Variants in VRTN observed in about 807,000 individuals in gnomAD.
The protein encoded by VRTN is vertnin.
Under a neutral mutation model 18.2 loss-of-function variants are expected in VRTN, and 5 were observed. That is an observed-to-expected ratio of 0.27 (90% CI 0.14 to 0.58). The LOEUF (loss-of-function observed/expected upper bound fraction) is 0.58, where lower values mean the gene tolerates loss of function less well. Ranked by LOEUF, VRTN falls within the 20% of genes least tolerant of loss-of-function variation. The pLI is 0.91. For missense variants in VRTN, 741 were observed against 939.4 expected, an observed-to-expected ratio of 0.79 and a Z score of 2.76; for synonymous variants, 381 against 393.7, an observed-to-expected ratio of 0.97 and a Z score of 0.38.
At chr14:74,335,720 T>A (rs1595169908) in intron 1 of VRTN, among the ~76,000 whole-genome samples, 1 of 151,358 alleles carries the variant, frequency 6.6e-6, no homozygotes, top group East Asian at 2.0e-4. Context: ...AAGCAGTTTC[T>A]CCCCTTTTAC....
At chr14:74,315,448 C>G (rs560447993) in intron 1 of VRTN, among the ~76,000 whole-genome samples, 7 of 152,270 alleles carry the variant, frequency 4.6e-5, no homozygotes, top group Admixed American at 4.6e-4. Context: ...CCTATAATCC[C>G]AGTGCTTTGG....
chr14:74,337,480 A>G (rs1304964854), intron 1 of VRTN, among the ~76,000 whole-genome samples: 1 of 152,196 alleles, frequency 6.6e-6, no homozygotes, highest in Admixed American at 6.5e-5. Flanking sequence ...AACCAAGACC[A>G]AAGATACTAG....
At chr14:74,338,909 G>C (rs1201317926) in intron 2 of VRTN, among the ~76,000 whole-genome samples, 1 of 152,094 alleles carries the variant, frequency 6.6e-6, no homozygotes, top group Non-Finnish European at 1.5e-5. Flanking sequence ...ATTTTTAGTA[G>C]AGATGAGGTT....
intron 1 of VRTN, among the ~76,000 whole-genome samples, chr14:74,330,307 A>G (rs1178256048): frequency 2.0e-5 from 3 of 152,210 alleles, no homozygotes; most frequent in African/African-American, 7.2e-5. Context: ...TTTGTTCTAC[A>G]TGAAAACTAA....
chr14:74,307,628 C>G (rs1050785591), intron 1 of VRTN, among the ~76,000 whole-genome samples: 1 of 152,030 alleles, frequency 6.6e-6, no homozygotes, highest in African/African-American at 2.4e-5. Context: ...ATGTAAATAT[C>G]TGCATAGAAA....
At chr14:74,343,516 A>C (rs147539436), upstream of VRTN, among the ~76,000 whole-genome samples, 21 of 152,314 alleles carry the variant, frequency 1.4e-4, no homozygotes, top group East Asian at 4.1e-3. Flanking sequence ...ATACTTGTAC[A>C]TGTGGAAAAT....
At chr14:74,343,385 C>T (rs1263793262) in intron 2 of VRTN, among the ~76,000 whole-genome samples, 1 of 152,166 alleles carries the variant, frequency 6.6e-6, no homozygotes, top group East Asian at 1.9e-4. Context: ...CTCAGCCTCC[C>T]AAAGGGCTGG....
chr14:74,348,328 C>T (rs1367373937), upstream of VRTN: 1 of 152,216 alleles, frequency 6.6e-6, no homozygotes, highest in Non-Finnish European at 1.5e-5. Flanking sequence ...ACACCCCCAG[C>T]TGGGGAGAGT....
intron 2 of VRTN, among the ~76,000 whole-genome samples, chr14:74,338,748 C>G (rs553545647): frequency 6.0e-5 from 9 of 149,038 alleles, no homozygotes; most frequent in Non-Finnish European, 8.9e-5. Flanking sequence ...TTTTTGAGAT[C>G]GAGTCTCACT....
intron 1 of VRTN, among the ~76,000 whole-genome samples, chr14:74,313,757 G>A (rs2140193123): frequency 6.6e-6 from 1 of 152,310 alleles, no homozygotes; most frequent in South Asian, 2.1e-4. Flanking sequence ...GAGACAGGAA[G>A]ATTGCTTGAG....
rs1419774996 is a variant in VRTN at position 74,356,902 on chromosome 14, C to T, written c.119C>T (p.Ser40Phe). The T allele has an allele frequency of 1.9e-6, 3 of 1,614,002 alleles. No homozygotes were observed. Among genetic ancestry groups the T allele is most frequent in the Admixed American group, 1.7e-5 (1 of 59,994 alleles). The change falls in exon 2 of 2, where the codon TCC becomes TTC. Residue 40 changes from serine to phenylalanine, a missense_variant. By Grantham distance (155) the Ser-to-Phe change is radical. Around this residue, in one of 3 missense-constraint regions of VRTN, gnomAD observed 186 missense variants for 288.3 expected, o/e 0.65. Coordinates refer to ENST00000256362, the MANE Select transcript of VRTN (RefSeq NM_018228.3). ...ASLEAKQVLS[S>F]FTLPTCREGG... ...TTGGAGGCCAAGCAGGTCCTGTCTT[C>T]CTTCACTCTCCCCACCTGCCGGGAG... is the stretch of plus-strand genomic sequence containing the variant.
intron 1 of VRTN, among the ~76,000 whole-genome samples, chr14:74,324,708 C>T (rs1301425597): frequency 6.6e-6 from 1 of 151,472 alleles, no homozygotes; most frequent in Non-Finnish European, 1.5e-5. Flanking sequence ...CGTAACATGC[C>T]GAGACCCCGT....
chr14:74,357,107 C>T lies in VRTN; in HGVS notation c.324C>T (p.Thr108=), dbSNP rs138593269. The T allele has an allele frequency of 1.3e-4, 211 of 1,602,398 alleles. No individual in the cohort carries two copies. The highest frequency in any genetic ancestry group is 3.3e-4 in the Middle Eastern group (2 of 6,070). ...TCAGCCTGGAGCTGCGGGCCCGCACCGTGGTAGAGATGCTGCTGCACAGAC... is the reference window on the plus strand; with the variant it reads ...TCAGCCTGGAGCTGCGGGCCCGCACTGTGGTAGAGATGCTGCTGCACAGAC... The part of the protein sequence containing the change: ...AGLSLELRAR[T]VVEMLLHRHY... The change falls in exon 2 of 2, where the codon ACC becomes ACT. Residue 108 remains threonine, a synonymous_variant. Transcript: ENST00000256362. This position sits in a 1 kb window ranked among gnomAD's most constrained non-coding sequence, Gnocchi z 7.8.
chr14:74,338,645 C>G (rs907182570), intron 2 of VRTN, among the ~76,000 whole-genome samples: 1 of 152,206 alleles, frequency 6.6e-6, no homozygotes, highest in Non-Finnish European at 1.5e-5. Flanking sequence ...GCCTCAAACT[C>G]CTGGGCTCTA....
At chr14:74,320,248 C>CT (rs1357605693) in intron 1 of VRTN, among the ~76,000 whole-genome samples, 4 of 134,262 alleles carry the variant, frequency 3.0e-5, no homozygotes, top group African/African-American at 1.2e-4. Flanking sequence ...AGATCCCATC[C>CT]CTTTTTTTTT....
intron 1 of VRTN, chr14:74,306,145 C>CATATATATATATAT (rs71395615): frequency 2.1e-5 from 2 of 94,630 alleles, no homozygotes; most frequent in African/African-American, 4.5e-5. Context: ...TAAAAATATA[C>CATATATATATATAT]ATATATATAT....
chr14:74,313,889 G>A (rs1364722050), intron 1 of VRTN, among the ~76,000 whole-genome samples: 3 of 152,220 alleles, frequency 2.0e-5, no homozygotes, highest in Non-Finnish European at 2.9e-5. Context: ...AGCTGAGATC[G>A]TGCCACTGCA....
At chr14:74,309,580 G>C (rs1316049848) in intron 1 of VRTN, among the ~76,000 whole-genome samples, 1 of 152,078 alleles carries the variant, frequency 6.6e-6, no homozygotes, top group Non-Finnish European at 1.5e-5. Context: ...GCTCACTGCA[G>C]CCTCAACAAC....
At chr14:74,332,128 G>A (rs1243942812) in intron 1 of VRTN, among the ~76,000 whole-genome samples, 2 of 152,004 alleles carry the variant, frequency 1.3e-5, no homozygotes, top group Non-Finnish European at 1.5e-5. Flanking sequence ...AGCCCCAAGG[G>A]GAGATGTTAG....
Sources: allele counts gnomAD v4.1 joint callset (sites outside exome capture counted in the v4.1 genomes callset), GRCh38; gene constraint gnomAD v4.1.1; regional missense constraint gnomAD v4.1.1; non-coding constraint Gnocchi (gnomAD v3.1); transcripts MANE v1.5; gene names NCBI Gene and HGNC (gene_info 2026-07-23, HGNC 2026-07-21).